SLC25A26: variants seen among roughly 807,000 people sequenced by gnomAD.
SLC25A26 encodes the protein solute carrier family 25 member 26.
Under a neutral mutation model 37.8 loss-of-function variants are expected in SLC25A26, and 36 were observed. The observed-to-expected ratio is 0.95, with a 90% CI of 0.73 to 1.26. The LOEUF is 1.26. SLC25A26 is among the 50% of genes most tolerant of loss of function. SLC25A26 has a pLI of 0.00. For missense variants in SLC25A26, 390 were observed against 331.1 expected, an observed-to-expected ratio of 1.18 and a Z score of -1.38; for synonymous variants, 129 against 122.5, an observed-to-expected ratio of 1.05 and a Z score of -0.35.
intron 7 of SLC25A26, among the ~76,000 whole-genome samples, chr3:66,368,027 A>G (rs1052999397): frequency 6.6e-6 from 1 of 152,216 alleles, no homozygotes; most frequent in Non-Finnish European, 1.5e-5. Context: ...TGAGGGCATA[A>G]ATAGGTACAC....
chr3:66,373,379 G>A (rs1700458587), intron 9 of SLC25A26, among the ~76,000 whole-genome samples: 1 of 152,218 alleles, frequency 6.6e-6, no homozygotes, highest in Non-Finnish European at 1.5e-5. Flanking sequence ...AATAGATTCA[G>A]TGGTCATCTG....
intron 5 of SLC25A26, among the ~76,000 whole-genome samples, chr3:66,273,202 T>C (rs2074015239): frequency 6.6e-6 from 1 of 152,208 alleles, no homozygotes; most frequent in East Asian, 1.9e-4. Context: ...TGCCAGTATT[T>C]TATTGAGGAT....
At chr3:66,307,959 G>A (rs797004718) in intron 5 of SLC25A26, among the ~76,000 whole-genome samples, 27 of 152,240 alleles carry the variant, frequency 1.8e-4, no homozygotes, top group African/African-American at 5.8e-4. Flanking sequence ...TGTTCTTTTT[G>A]CTTAGGATTG....
chr3:66,199,988 T>C (rs2071088698), intron 1 of SLC25A26, among the ~76,000 whole-genome samples: 1 of 152,230 alleles, frequency 6.6e-6, no homozygotes, highest in Non-Finnish European at 1.5e-5. Context: ...CTTTTGTAAC[T>C]TGCAATATGA....
At chr3:66,153,147 C>G (rs561002933) in intron 1 of SLC25A26, among the ~76,000 whole-genome samples, 2 of 152,112 alleles carry the variant, frequency 1.3e-5, no homozygotes, top group East Asian at 1.9e-4. Flanking sequence ...TTGGTCGTCA[C>G]GACCAAAAAT....
chr3:66,220,696 C>T, upstream of SLC25A26: 1 of 295,626 alleles, frequency 3.4e-6, no homozygotes. Flanking sequence ...TACTACCCCT[C>T]ACGACTCCTC....
At chr3:66,184,750 C>G (rs1405602710) in intron 1 of SLC25A26, among the ~76,000 whole-genome samples, 3 of 152,056 alleles carry the variant, frequency 2.0e-5, no homozygotes, top group African/African-American at 7.2e-5. Flanking sequence ...ATCTCTGACT[C>G]TGATATCATG....
At chr3:66,147,616 G>T (rs76990061) in intron 1 of SLC25A26, among the ~76,000 whole-genome samples, 1 of 152,070 alleles carries the variant, frequency 6.6e-6, no homozygotes, top group Admixed American at 6.5e-5. Flanking sequence ...TAGTGGGATT[G>T]CTGGATCGAA....
chr3:66,171,196 A>C (rs2070493938), intron 1 of SLC25A26, among the ~76,000 whole-genome samples: 1 of 152,210 alleles, frequency 6.6e-6, no homozygotes, highest in South Asian at 2.1e-4. Flanking sequence ...GACATTATGA[A>C]TATTTTACAT....
At chr3:66,359,355 A>G (rs555966339) in intron 6 of SLC25A26, among the ~76,000 whole-genome samples, 2 of 152,322 alleles carry the variant, frequency 1.3e-5, no homozygotes, top group South Asian at 2.1e-4. Context: ...CTTGACTACA[A>G]TACCTGACAC....
chr3:66,352,420 C>CGTTTTTTGTTTTTT (rs898701532), intron 6 of SLC25A26, among the ~76,000 whole-genome samples: 2 of 140,430 alleles, frequency 1.4e-5, no homozygotes, highest in African/African-American at 3.0e-5. Context: ...CGCCTCCCCT[C>CGTTTTTTGTTTTTT]GTTTTTTGTT....
At chr3:66,202,842 G>A (rs2071128366) in intron 1 of SLC25A26, among the ~76,000 whole-genome samples, 1 of 152,126 alleles carries the variant, frequency 6.6e-6, no homozygotes, top group African/African-American at 2.4e-5. Flanking sequence ...GAATCCTGAA[G>A]TTTGACATCA....
At chr3:66,147,922 C>T (rs57423529) in intron 1 of SLC25A26, among the ~76,000 whole-genome samples, 1,664 of 152,164 alleles carry the variant, frequency 0.011, 30 homozygotes, top group African/African-American at 0.038. Context: ...CCATGCCCAG[C>T]TAATTTTTGT....
intron 9 of SLC25A26, among the ~76,000 whole-genome samples, chr3:66,373,659 C>T (rs540596597): frequency 6.8e-6 from 1 of 147,772 alleles, no homozygotes; most frequent in South Asian, 2.1e-4. Flanking sequence ...CACCACCCAC[C>T]CTTTGCATGA....
At chr3:66,292,432 G>C (rs571917409) in intron 5 of SLC25A26, among the ~76,000 whole-genome samples, 26 of 152,276 alleles carry the variant, frequency 1.7e-4, no homozygotes, top group Middle Eastern at 3.4e-3. Context: ...GCAGTGGCTG[G>C]TACCAGTTGT....
In SLC25A26 at chr3:66,362,885, A is replaced by G. The variant is rs1283474542; in HGVS notation, c.524A>G (p.His175Arg). Residue 175 changes from histidine to arginine, a missense_variant, in exon 7 of 10, where the codon CAT becomes CGT. Physicochemically the swap from His to Arg is conservative, Grantham distance 29. Transcript: ENST00000354883. ...LKALWSWRQD[H>R]VVDSWQSAVC... ...GCCCTCTGGTCCTGGAGGCAGGATC[A>G]TGTGGTGGATTCTTGGCAGTCAGCA... The G allele has an allele frequency of 2.5e-6, 4 of 1,607,992 alleles. No homozygotes were observed. The highest frequency in any genetic ancestry group is 1.1e-5 in the South Asian group (1 of 89,428).
At chr3:66,201,908 T>C (rs1264682572) in intron 1 of SLC25A26, among the ~76,000 whole-genome samples, 1 of 152,118 alleles carries the variant, frequency 6.6e-6, no homozygotes, top group Non-Finnish European at 1.5e-5. Flanking sequence ...TAGAGTACTT[T>C]ACGCTACATA....
intron 3 of SLC25A26, among the ~76,000 whole-genome samples, chr3:66,244,596 G>C (rs1285488701): frequency 6.6e-6 from 1 of 152,170 alleles, no homozygotes; most frequent in Non-Finnish European, 1.5e-5. Context: ...TGTCATTACA[G>C]ATCATTAGTT....
chr3:66,167,069 C>G (rs2070434760), intron 1 of SLC25A26, among the ~76,000 whole-genome samples: 2 of 152,196 alleles, frequency 1.3e-5, no homozygotes, highest in African/African-American at 4.8e-5. Flanking sequence ...GTGAGGCCTC[C>G]CCAGCCACGT....
Sources: allele counts gnomAD v4.1 joint callset (sites outside exome capture counted in the v4.1 genomes callset), GRCh38; gene constraint gnomAD v4.1.1; transcripts MANE v1.5; gene names NCBI Gene and HGNC (gene_info 2026-07-23, HGNC 2026-07-21).